The following ZNF143 variants were observed in gnomAD, a reference collection of about 807,000 sequenced individuals.
ZNF143 encodes the protein SPH-binding factor.
In ZNF143, 49 loss-of-function variants were observed where a neutral mutation model predicts 74.1. The ratio of observed to expected loss-of-function variants is 0.66; its 90% CI spans 0.53 to 0.84. The LOEUF (loss-of-function observed/expected upper bound fraction) is 0.84. ZNF143 is among the 40% of genes least tolerant of loss of function. ZNF143 has a pLI of 0.00. For missense variants in ZNF143, 637 were observed against 793.4 expected (o/e 0.80, Z 2.37); for synonymous variants, 304 against 282.8 (o/e 1.07, Z -0.75).
At chr11:9,482,774 T>C (rs1260393958) in intron 7 of ZNF143, among the ~76,000 whole-genome samples, 1 of 151,390 alleles carries the variant, frequency 6.6e-6, no homozygotes, top group Non-Finnish European at 1.5e-5. Context: ...TGTTAAGCAC[T>C]TGAAATATGA....
chr11:9,510,460 T>A (rs969369425), intron 12 of ZNF143, among the ~76,000 whole-genome samples: 1 of 152,136 alleles, frequency 6.6e-6, no homozygotes, highest in Admixed American at 6.6e-5. Flanking sequence ...GTCTATAATA[T>A]AATAATATAC....
intron 10 of ZNF143, among the ~76,000 whole-genome samples, chr11:9,498,911 A>C (rs1848060864): frequency 6.6e-6 from 1 of 152,208 alleles, no homozygotes; most frequent in Admixed American, 6.6e-5. Flanking sequence ...TTTACTTTAC[A>C]ACATTGAGGA....
At chr11:9,517,670 A>G (rs1848771919) in intron 14 of ZNF143, among the ~76,000 whole-genome samples, 1 of 152,204 alleles carries the variant, frequency 6.6e-6, no homozygotes, top group Non-Finnish European at 1.5e-5. Flanking sequence ...ATAATGTAAT[A>G]TATTTAAAAA....
chr11:9,481,930 T>A, intron 7 of ZNF143, among the ~76,000 whole-genome samples: 1 of 149,366 alleles, frequency 6.7e-6, no homozygotes. Flanking sequence ...TAACTAGGAA[T>A]TCAGAACTGC....
At chr11:9,483,287 C>CTT (rs1847321716) in intron 7 of ZNF143, among the ~76,000 whole-genome samples, 6 of 64,704 alleles carry the variant, frequency 9.3e-5, no homozygotes, top group Non-Finnish European at 1.8e-4. Flanking sequence ...AGCCAACATG[C>CTT]CTTTTTTTTT....
At chr11:9,485,337 TTCTC>T (rs1171330322) in intron 7 of ZNF143, among the ~76,000 whole-genome samples, 18 of 149,392 alleles carry the variant, frequency 1.2e-4, no homozygotes, top group Non-Finnish European at 1.8e-4. Context: ...TGTTGTTTTT[TTCTC>T]TCTCTCTTTT....
Position 9,512,541 on chromosome 11 carries a change from C to A in ZNF143, c.1469C>A (p.Thr490Asn). 6.2e-7 allele frequency: 1 copy of A among 1,614,206 alleles called. No homozygotes were observed. Among genetic ancestry groups the A allele is most frequent in the Non-Finnish European group, 8.5e-7 (1 of 1,180,044 alleles). Residue 490 changes from threonine (T) to asparagine (N), a missense_variant, in exon 13 of 16, where the codon ACC becomes AAC. Around this residue, in one of 2 missense-constraint regions of ZNF143, gnomAD observed 344 missense variants for 485.6 expected, o/e 0.71. Transcript: ENST00000396602. ...GTTTCTACACAAGTAGCCACAGTAA[C>A]CCAATCTGGACTGAGTCAACAAGTT... ...DVVSTQVATV[T>N]QSGLSQQVTL...
chr11:9,498,378 G>A (rs1848043950), intron 10 of ZNF143, among the ~76,000 whole-genome samples: 1 of 152,202 alleles, frequency 6.6e-6, no homozygotes, highest in Non-Finnish European at 1.5e-5. Context: ...TGGGCAACAA[G>A]TTTATTTACC....
rs1443722537 is a variant in ZNF143 at position 9,494,698 on chromosome 11, G to T, written c.698G>T (p.Gly233Val). The change falls in exon 8 of 16, where the codon GGA (glycine) becomes GTA (valine). Residue 233 changes from glycine to valine, a missense_variant. Physicochemically the swap from Gly to Val is moderately radical, Grantham distance 109. This residue lies in a region of ZNF143 where 293 missense variants were observed against 307.8 expected (regional missense o/e 0.95). Coordinates refer to ENST00000396602, the MANE Select transcript of ZNF143 (RefSeq NM_003442.6). ...TRVTAKSQQS[G>V]EKAFRCEYDG... ...GTAACTGCTAAATCTCAACAGAGTG[G>T]AGAGAAGGCATTTCGATGTGAATAT... The T allele has an allele frequency of 6.2e-7, 1 of 1,613,792 alleles. No homozygotes were observed. Among genetic ancestry groups the T allele is most frequent in the Non-Finnish European group, 8.5e-7 (1 of 1,179,698 alleles).
chr11:9,502,620 AAAGT>A (rs1848208495), intron 11 of ZNF143, among the ~76,000 whole-genome samples: 1 of 151,754 alleles, frequency 6.6e-6, no homozygotes, highest in African/African-American at 2.4e-5. Flanking sequence ...AAAAAAAAAA[AAAGT>A]ATGTGTTTCA....
intron 14 of ZNF143, among the ~76,000 whole-genome samples, chr11:9,517,359 C>G (rs546468737): frequency 1.3e-5 from 2 of 152,000 alleles, no homozygotes; most frequent in Admixed American, 1.3e-4. Context: ...CAATTAAAGT[C>G]TTTTGCTATT....
intron 10 of ZNF143, 140 bp from the exon 11 acceptor site, chr11:9,500,951 C>T (rs11042395): frequency 2.7e-5 from 26 of 965,866 alleles, no homozygotes; most frequent in Admixed American, 8.5e-5. Context: ...CCCAACCCCC[C>T]CAAAAAAATG....
At chr11:9,467,714 G>T (rs572898372) in intron 1 of ZNF143, among the ~76,000 whole-genome samples, 25 of 152,126 alleles carry the variant, frequency 1.6e-4, no homozygotes, top group Non-Finnish European at 8.8e-5. Flanking sequence ...GGGCATGGTG[G>T]TGTGCGCCTG....
At chr11:9,464,108 G>A in intron 1 of ZNF143, among the ~76,000 whole-genome samples, 1 of 151,540 alleles carries the variant, frequency 6.6e-6, no homozygotes, top group African/African-American at 2.4e-5. Flanking sequence ...GTGTGTGTGT[G>A]TGTGTGTATT....
intron 10 of ZNF143, 44 bp from the exon 11 acceptor site, chr11:9,501,047 A>G (rs759681706): frequency 1.2e-5 from 19 of 1,602,784 alleles, no homozygotes; most frequent in Admixed American, 8.4e-5. Context: ...TTAATCCTCT[A>G]TATATTTTTG....
chr11:9,511,284 T>A (rs1232470283), intron 12 of ZNF143, among the ~76,000 whole-genome samples: 1 of 150,768 alleles, frequency 6.6e-6, no homozygotes, highest in African/African-American at 2.4e-5. Flanking sequence ...CCTAATTTTG[T>A]GTTTTTGTTT....
chr11:9,467,580 G>T (rs1306380868), intron 1 of ZNF143, among the ~76,000 whole-genome samples: 1 of 152,008 alleles, frequency 6.6e-6, no homozygotes, highest in African/African-American at 2.4e-5. Flanking sequence ...TGGCGCAATG[G>T]CTCGTGCCTT....
At chr11:9,477,771 C>T (rs763546186) in intron 5 of ZNF143, among the ~76,000 whole-genome samples, 13 of 152,128 alleles carry the variant, frequency 8.5e-5, no homozygotes, top group Non-Finnish European at 1.9e-4. Flanking sequence ...ATCCTGATTT[C>T]TCTACATATT....
At chr11:9,466,820 C>T (rs1359377143) in intron 1 of ZNF143, among the ~76,000 whole-genome samples, 1 of 151,634 alleles carries the variant, frequency 6.6e-6, no homozygotes, top group Admixed American at 6.6e-5. Context: ...GAATATGGTG[C>T]AGAGAGCAGT....
Sources: allele counts gnomAD v4.1 joint callset (sites outside exome capture counted in the v4.1 genomes callset), GRCh38; gene constraint gnomAD v4.1.1; regional missense constraint gnomAD v4.1.1; transcripts MANE v1.5; gene names NCBI Gene and HGNC (gene_info 2026-07-23, HGNC 2026-07-21).